ASB7: variants seen among roughly 807,000 people sequenced by gnomAD.
The protein encoded by ASB7 is ankyrin repeat and SOCS box containing 7.
ASB7 carries 4 observed loss-of-function variants against 32.5 expected under a neutral mutation model. The ratio of observed to expected loss-of-function variants is 0.12; its 90% CI spans 0.06 to 0.28. The LOEUF (loss-of-function observed/expected upper bound fraction) is 0.28, where lower values mean the gene tolerates loss of function less well. ASB7 is among the 10% of genes least tolerant of loss of function. ASB7 has a pLI of 1.00. For synonymous variants in ASB7, 172 were observed against 155.6 expected (o/e 1.11, Z -0.78); for missense variants, 181 against 407.1 (o/e 0.44, Z 4.78).
chr15:100,605,053 G>A (rs2039631441), intron 2 of ASB7, among the ~76,000 whole-genome samples: 1 of 152,142 alleles, frequency 6.6e-6, no homozygotes, highest in Non-Finnish European at 1.5e-5. Context: ...CAGCACATAA[G>A]GTAAGAGAGG....
intron 5 of ASB7, among the ~76,000 whole-genome samples, chr15:100,641,622 T>G (rs2039962283): frequency 6.6e-6 from 1 of 152,248 alleles, no homozygotes; most frequent in Non-Finnish European, 1.5e-5. Flanking sequence ...TTCTACCAGT[T>G]TGCTCAGGAC....
At chr15:100,627,368 C>T (rs972662555) in intron 4 of ASB7, among the ~76,000 whole-genome samples, 3 of 152,142 alleles carry the variant, frequency 2.0e-5, no homozygotes, top group African/African-American at 7.2e-5. Context: ...AATGTTTTCA[C>T]GTCTTGTCCA....
At chr15:100,642,917 G>T (rs918678062) in intron 5 of ASB7, among the ~76,000 whole-genome samples, 1 of 152,208 alleles carries the variant, frequency 6.6e-6, no homozygotes, top group Non-Finnish European at 1.5e-5. Flanking sequence ...CATGCCTGTA[G>T]TCCCAGCTGC....
At chr15:100,627,089 G>GA (rs936964645) in intron 4 of ASB7, among the ~76,000 whole-genome samples, 254 of 146,632 alleles carry the variant, frequency 1.7e-3, no homozygotes, top group East Asian at 3.0e-3. Context: ...AAAGCTGTTA[G>GA]AAAAAAAAAA....
At chr15:100,638,801 C>T (rs941410487) in intron 5 of ASB7, among the ~76,000 whole-genome samples, 7 of 152,134 alleles carry the variant, frequency 4.6e-5, no homozygotes, top group Admixed American at 1.3e-4. Context: ...TTTTAAGGCC[C>T]GCATGCATTA....
At chr15:100,611,484 C>CTTTTTTTTTCT (rs566764298) in intron 3 of ASB7, among the ~76,000 whole-genome samples, 1 of 77,144 alleles carries the variant, frequency 1.3e-5, no homozygotes, top group Non-Finnish European at 2.3e-5. Context: ...TGTTTCGATT[C>CTTTTTTTTTCT]TTTTTTTTTT....
chr15:100,611,484 C>CTTTGTTTTTTTTTTTTTTT (rs2039694593), intron 3 of ASB7, among the ~76,000 whole-genome samples: 1 of 77,144 alleles, frequency 1.3e-5, no homozygotes, highest in Non-Finnish European at 2.3e-5. Context: ...TGTTTCGATT[C>CTTTGTTTTTTTTTTTTTTT]TTTTTTTTTT....
intron 5 of ASB7, among the ~76,000 whole-genome samples, chr15:100,639,289 T>C (rs1483159028): frequency 6.6e-6 from 1 of 152,246 alleles, no homozygotes; most frequent in Non-Finnish European, 1.5e-5. Flanking sequence ...GAAGATACTA[T>C]TTTATAAATA....
chr15:100,620,781 A>G (rs2039785020), intron 4 of ASB7, among the ~76,000 whole-genome samples: 1 of 152,254 alleles, frequency 6.6e-6, no homozygotes, highest in Admixed American at 6.5e-5. Context: ...ACCATGCTGG[A>G]CATTTCAAGA....
At chr15:100,604,648 A>C (rs1339380656) in intron 2 of ASB7, among the ~76,000 whole-genome samples, 1 of 152,190 alleles carries the variant, frequency 6.6e-6, no homozygotes, top group African/African-American at 2.4e-5. Flanking sequence ...ACTGCATGCC[A>C]AAAGAAGAGA....
chr15:100,643,698 T>C (rs1021612710), intron 5 of ASB7, among the ~76,000 whole-genome samples: 4 of 151,194 alleles, frequency 2.6e-5, no homozygotes, highest in Admixed American at 6.6e-5. Context: ...TTTCACCATG[T>C]TGGCCAGGAT....
In ASB7 at chr15:100,602,804, C is replaced by G. The variant is rs546248288; in HGVS notation, c.-515C>G. 4.3e-5 allele frequency: 17 copies of G among 391,868 alleles called. No individual in the cohort carries two copies. In the Admixed American group the frequency reaches 6.7e-4, roughly 15 times the overall value. The allele number at this position is 391,868 out of a possible 1,614,324, so 24.3% of individuals were successfully genotyped here. A position where few individuals can be genotyped will look rare whatever the true frequency, so the allele number is the denominator to read the frequency against. On this transcript the variant is annotated 5_prime_UTR_variant, in exon 1 of 6. Coordinates refer to ENST00000332783, the MANE Select transcript of ASB7 (RefSeq NM_198243.3). The stretch of plus-strand genomic sequence containing the variant: ...CCGAGCCCTGGACCGGGACTGCCCC[C>G]CCACCCGAGCCAGGACTTCCTCCCT...
rs1427779247 is a variant in ASB7, at chr15:100,651,309, C to T, written c.*2847C>T. On this transcript the variant is annotated 3_prime_UTR_variant, in exon 6 of 6. Transcript: ENST00000332783. Reference sequence around the variant, plus strand: ...ACTATTTACTACACAGTAATCCATGCCTGTTAGTTTGGAGGACTTGACTGT... The same window carrying T: ...ACTATTTACTACACAGTAATCCATGTCTGTTAGTTTGGAGGACTTGACTGT... The T allele has an allele frequency of 6.6e-6, 1 of 151,750 alleles. No homozygotes were observed. Among genetic ancestry groups the T allele is most frequent in the Non-Finnish European group, 1.5e-5 (1 of 67,976 alleles). The allele number at this position is 151,750 out of a possible 1,614,324, so 9.4% of individuals were successfully genotyped here.
Position 100,618,652 on chromosome 15 carries a change from C to A in ASB7, c.211+6225C>A, listed in dbSNP as rs77728449. 3.5e-4 allele frequency among the ~76,000 whole-genome samples: 52 copies of A among 147,990 alleles called. No individual in the cohort carries two copies. In the East Asian group the frequency reaches 5.7e-3, roughly 16 times the overall value. ...GTGTGTGTGTGTGTGTGTGGAGAGA[C>A]AGAGAGGAAGAAAGAACAAGAATTC... On this transcript the variant is annotated intron_variant, in intron 4 of 5. Transcript: ENST00000332783.
intron 4 of ASB7, among the ~76,000 whole-genome samples, chr15:100,622,074 A>G (rs1183280229): frequency 6.6e-6 from 1 of 152,156 alleles, no homozygotes; most frequent in Non-Finnish European, 1.5e-5. Context: ...AAAAACTCTT[A>G]GATTGGATAA....
At chr15:100,639,491 A>G (rs1300243007) in intron 5 of ASB7, among the ~76,000 whole-genome samples, 2 of 152,186 alleles carry the variant, frequency 1.3e-5, no homozygotes, top group Middle Eastern at 3.2e-3. Flanking sequence ...TAAACCCCAT[A>G]TAGCAATAAG....
chr15:100,611,819 CTTTT>C (rs11350952), intron 3 of ASB7, among the ~76,000 whole-genome samples: 9 of 112,892 alleles, frequency 8.0e-5, no homozygotes, highest in Admixed American at 9.9e-5. Flanking sequence ...TATATTGCTA[CTTTT>C]TTTTTTTTTT....
intron 5 of ASB7, chr15:100,646,375 G>A: frequency 2.6e-6 from 1 of 380,280 alleles, no homozygotes; most frequent in Non-Finnish European, 5.4e-6. Context: ...ACTTCATTCT[G>A]GTTGGGGTGC....
In ASB7 at chr15:100,629,349, A is replaced by G; in HGVS notation, c.212-88A>G. ...GTTTGGTTGCTTCACATTTTATATG[A>G]GAATTGGCCACAGTTTGCTGTGCCA... On this transcript the variant is annotated intron_variant, in intron 4 of 5. Transcript: ENST00000332783. This position sits in a 1 kb window ranked among gnomAD's most constrained non-coding sequence, Gnocchi z 6.8. 8.3e-7 allele frequency: 1 copy of G among 1,200,712 alleles called. No individual in the cohort carries two copies. Among genetic ancestry groups the G allele is most frequent in the South Asian group, 1.5e-5 (1 of 68,168 alleles). The allele number at this position is 1,200,712 out of a possible 1,614,324, so 74.4% of individuals were successfully genotyped here.
Sources: allele counts gnomAD v4.1 joint callset (sites outside exome capture counted in the v4.1 genomes callset), GRCh38; gene constraint gnomAD v4.1.1; non-coding constraint Gnocchi (gnomAD v3.1); transcripts MANE v1.5; gene names NCBI Gene and HGNC (gene_info 2026-07-23, HGNC 2026-07-21).